FAM81A: variants seen among roughly 807,000 people sequenced by gnomAD.
FAM81A encodes the protein protein FAM81A.
In FAM81A, 19 loss-of-function variants were observed where a neutral mutation model predicts 46.7. The observed-to-expected ratio is 0.41, with a 90% CI of 0.28 to 0.60. The LOEUF is 0.60. Ranked by LOEUF, FAM81A falls within the 20% of genes least tolerant of loss-of-function variation. FAM81A has a pLI of 0.34. For missense variants in FAM81A, 377 were observed against 453.5 expected (o/e 0.83, Z 1.53); for synonymous variants, 183 against 152.9 (o/e 1.20, Z -1.45).
rs545799794 is a variant in FAM81A, at chr15:59,465,516, G to A, written c.294+5310G>A. Among the ~76,000 whole-genome samples the A allele has an allele frequency of 1.6e-3, 243 of 152,128 alleles. 2 individuals are homozygous for A. Among genetic ancestry groups the A allele is most frequent in the African/African-American group, 5.5e-3 (230 of 41,528 alleles). The stretch of plus-strand genomic sequence containing the variant: ...TCCAACTCCTGACCTCAGGTGATCC[G>A]CCCATCTCGGCCTCCCAAAGTGCTG... On this transcript the variant is annotated intron_variant, in intron 3 of 8. Coordinates refer to ENST00000288228, the MANE Select transcript of FAM81A (RefSeq NM_152450.3).
At chr15:59,499,162 T>G (rs1315282628) in intron 4 of FAM81A, among the ~76,000 whole-genome samples, 1 of 152,218 alleles carries the variant, frequency 6.6e-6, no homozygotes, top group African/African-American at 2.4e-5. Flanking sequence ...TAATTGCTTT[T>G]CTGATGTTAA....
rs1292407691 is a variant in FAM81A at position 59,477,976 on chromosome 15, T to C, written c.295-14295T>C. Among the ~76,000 whole-genome samples, 3 of 152,210 alleles carry C rather than the reference T, an allele frequency of 2.0e-5. No individual in the cohort carries two copies. In the East Asian group the frequency reaches 5.8e-4, roughly 29 times the overall value. On this transcript the variant is annotated intron_variant, in intron 3 of 8. Coordinates refer to ENST00000288228, the MANE Select transcript of FAM81A (RefSeq NM_152450.3). ...TATAAATTTAGAGGAAGTAATATAG[T>C]CAACTATGAATTATACATGTCTGGG... is the stretch of plus-strand genomic sequence containing the variant.
intron 1 of FAM81A, among the ~76,000 whole-genome samples, chr15:59,456,702 A>C (rs937627077): frequency 6.6e-6 from 1 of 152,150 alleles, no homozygotes; most frequent in African/African-American, 2.4e-5. Context: ...TAGCCTCCAG[A>C]GTAGCTTGGA....
intron 2 of FAM81A, among the ~76,000 whole-genome samples, chr15:59,414,091 C>T (rs1371089870): frequency 1.3e-5 from 2 of 152,160 alleles, no homozygotes; most frequent in African/African-American, 4.8e-5. Flanking sequence ...GCTGGGATTA[C>T]AGGTGTGCGC....
intron 3 of FAM81A, among the ~76,000 whole-genome samples, chr15:59,471,062 G>A (rs551227061): frequency 6.6e-6 from 1 of 151,760 alleles, no homozygotes; most frequent in African/African-American, 2.4e-5. Flanking sequence ...TGATCCTCCT[G>A]CCTCAGCTTC....
intron 3 of FAM81A, among the ~76,000 whole-genome samples, chr15:59,477,131 A>AG (rs2081781995): frequency 1.3e-5 from 2 of 151,878 alleles, no homozygotes; most frequent in African/African-American, 4.8e-5. Flanking sequence ...AAAAAAAAAA[A>AG]AGCAAAAACA....
chr15:59,399,056 C>G (rs1408222739), intron 1 of FAM81A, among the ~76,000 whole-genome samples: 1 of 152,102 alleles, frequency 6.6e-6, no homozygotes, highest in Admixed American at 6.6e-5. Context: ...GTAATCCCAG[C>G]TACTCGGTAG....
intron 4 of FAM81A, among the ~76,000 whole-genome samples, chr15:59,492,853 CCAG>C (rs1435754971): frequency 3.2e-4 from 49 of 152,048 alleles, no homozygotes; most frequent in African/African-American, 1.2e-3. Context: ...GCTGCATGGA[CCAG>C]CAGCCTCAAC....
chr15:59,410,213 T>C (rs1257138065), intron 2 of FAM81A, among the ~76,000 whole-genome samples: 1 of 151,994 alleles, frequency 6.6e-6, no homozygotes, highest in East Asian at 1.9e-4. Flanking sequence ...AGAGAATAGC[T>C]GGAACCCGGG....
At chr15:59,401,008 G>T (rs1351670788) in intron 1 of FAM81A, among the ~76,000 whole-genome samples, 3 of 152,128 alleles carry the variant, frequency 2.0e-5, no homozygotes, top group African/African-American at 4.8e-5. Flanking sequence ...TCTAACCTTT[G>T]CAGATAAGAG....
chr15:59,435,653 G>A (rs114716589), upstream of FAM81A, among the ~76,000 whole-genome samples: 165 of 152,186 alleles, frequency 1.1e-3, no homozygotes, highest in African/African-American at 3.9e-3. Flanking sequence ...TTTCCATGGT[G>A]TCTAGCATAA....
intron 3 of FAM81A, among the ~76,000 whole-genome samples, chr15:59,465,781 G>A (rs1212445821): frequency 6.6e-6 from 1 of 151,960 alleles, no homozygotes; most frequent in African/African-American, 2.4e-5. Context: ...GTGCCATGTT[G>A]GTTTGCTGCA....
intron 4 of FAM81A, among the ~76,000 whole-genome samples, chr15:59,499,357 G>A (rs1253112397): frequency 3.9e-5 from 6 of 152,082 alleles, no homozygotes; most frequent in African/African-American, 1.2e-4. Flanking sequence ...AATTTGTAAT[G>A]TAATGTACAT....
At chr15:59,455,812 C>A (rs1290841292) in intron 1 of FAM81A, among the ~76,000 whole-genome samples, 4 of 152,128 alleles carry the variant, frequency 2.6e-5, no homozygotes, top group Admixed American at 2.6e-4. Context: ...GCCAAAGTCC[C>A]CATTCTTTCA....
At chr15:59,466,949 T>C (rs1277024742) in intron 3 of FAM81A, among the ~76,000 whole-genome samples, 1 of 152,204 alleles carries the variant, frequency 6.6e-6, no homozygotes, top group Non-Finnish European at 1.5e-5. Context: ...CCCAGCACCA[T>C]TTATTAAATA....
chr15:59,517,210 C>A (rs2082276952), intron 8 of FAM81A, among the ~76,000 whole-genome samples: 1 of 152,156 alleles, frequency 6.6e-6, no homozygotes, highest in South Asian at 2.1e-4. Context: ...GCTAGCAGTA[C>A]AGTACCACCC....
chr15:59,403,558 A>G (rs2081081115), intron 2 of FAM81A, among the ~76,000 whole-genome samples: 1 of 152,054 alleles, frequency 6.6e-6, no homozygotes, highest in Non-Finnish European at 1.5e-5. Context: ...AGACACCCTG[A>G]CACTGTTATG....
chr15:59,399,339 T>C (rs2081060767), intron 1 of FAM81A, among the ~76,000 whole-genome samples: 1 of 152,168 alleles, frequency 6.6e-6, no homozygotes, highest in South Asian at 2.1e-4. Flanking sequence ...CTCATCCAGC[T>C]GCAAAAGATA....
At chr15:59,429,851 T>G (rs1256009220) in intron 2 of FAM81A, among the ~76,000 whole-genome samples, 1 of 152,140 alleles carries the variant, frequency 6.6e-6, no homozygotes, top group African/African-American at 2.4e-5. Context: ...TCTGATGTAA[T>G]AGATGTAGGC....
Sources: allele counts gnomAD v4.1 joint callset (sites outside exome capture counted in the v4.1 genomes callset), GRCh38; gene constraint gnomAD v4.1.1; transcripts MANE v1.5; gene names NCBI Gene and HGNC (gene_info 2026-07-23, HGNC 2026-07-21).